The following RASSF8 variants were observed in gnomAD, a reference collection of about 807,000 sequenced individuals.
RASSF8 encodes the protein ras association domain-containing protein 8.
Under a neutral mutation model 48.5 loss-of-function variants are expected in RASSF8, and 22 were observed. The ratio of observed to expected loss-of-function variants is 0.45; its 90% CI spans 0.32 to 0.65. The LOEUF (loss-of-function observed/expected upper bound fraction) is 0.65, where lower values mean the gene tolerates loss of function less well. Ranked by LOEUF, RASSF8 falls within the 30% of genes least tolerant of loss-of-function variation. The probability of loss-of-function intolerance (pLI) is 0.03; values close to 1 mark genes in which losing one functional copy is unlikely to be tolerated. For missense variants in RASSF8, 418 were observed against 489.2 expected (o/e 0.85, Z 1.37); for synonymous variants, 127 against 171.5 (o/e 0.74, Z 2.03).
intron 1 of RASSF8, among the ~76,000 whole-genome samples, chr12:25,990,072 G>A (rs1230908705): frequency 6.6e-6 from 1 of 152,150 alleles, no homozygotes; most frequent in Non-Finnish European, 1.5e-5. Context: ...TATTTGTTGA[G>A]TGCCTATTAT....
At chr12:26,041,580 A>G (rs1943265691) in intron 2 of RASSF8, among the ~76,000 whole-genome samples, 1 of 152,180 alleles carries the variant, frequency 6.6e-6, no homozygotes, top group Non-Finnish European at 1.5e-5. Flanking sequence ...TGATACCTAA[A>G]GAAGCAGAGT....
chr12:26,024,284 A>C lies in RASSF8; in HGVS notation c.-109+29154A>C, dbSNP rs188473447. Among the ~76,000 whole-genome samples, 6 of 152,280 alleles carry C rather than the reference A, an allele frequency of 3.9e-5. No individual in the cohort carries two copies. The East Asian group carries it at 9.6e-4, about 24-fold the overall frequency. On this transcript the variant is annotated intron_variant, in intron 2 of 5. Coordinates refer to ENST00000689635, the MANE Select transcript of RASSF8 (RefSeq NM_001394098.1). ...CCCAAATGCTAGGATTACAGATATGAGCCACCACGCCCAGCCTGGAGTAAC... is the reference window on the plus strand; with the variant it reads ...CCCAAATGCTAGGATTACAGATATGCGCCACCACGCCCAGCCTGGAGTAAC...
chr12:25,969,621 T>A (rs1941437865), intron 1 of RASSF8, among the ~76,000 whole-genome samples: 2 of 151,954 alleles, frequency 1.3e-5, no homozygotes, highest in South Asian at 4.2e-4. Flanking sequence ...AGGAGAAGGG[T>A]CACATCCTGG....
intron 2 of RASSF8, among the ~76,000 whole-genome samples, chr12:26,041,153 A>G (rs1265823727): frequency 1.3e-5 from 2 of 152,022 alleles, no homozygotes; most frequent in South Asian, 2.1e-4. Context: ...CAGCCTCCCA[A>G]AGTGCGGGGA....
intron 2 of RASSF8, among the ~76,000 whole-genome samples, chr12:26,008,104 T>C (rs1036067051): frequency 6.6e-6 from 1 of 152,082 alleles, no homozygotes; most frequent in African/African-American, 2.4e-5. Context: ...AAACCCTGTC[T>C]GTACTAAAAA....
At chr12:26,004,415 C>T (rs1164528773) in intron 2 of RASSF8, among the ~76,000 whole-genome samples, 2 of 152,142 alleles carry the variant, frequency 1.3e-5, no homozygotes, top group Non-Finnish European at 2.9e-5. Context: ...GTTGACCTTG[C>T]ACACAACATG....
intron 2 of RASSF8, among the ~76,000 whole-genome samples, chr12:26,026,642 C>T (rs1311315447): frequency 2.0e-5 from 3 of 152,038 alleles, no homozygotes; most frequent in Non-Finnish European, 2.9e-5. Context: ...CACCATGTTG[C>T]CCAGGCTGGT....
At chr12:25,996,066 C>T (rs1942125721) in intron 2 of RASSF8, among the ~76,000 whole-genome samples, 1 of 152,204 alleles carries the variant, frequency 6.6e-6, no homozygotes, top group South Asian at 2.1e-4. Context: ...AAATCCACAT[C>T]CTCACCAGTT....
chr12:25,998,643 G>T (rs2136972292), intron 2 of RASSF8, among the ~76,000 whole-genome samples: 1 of 152,232 alleles, frequency 6.6e-6, no homozygotes, highest in African/African-American at 2.4e-5. Context: ...CACCGCGCCT[G>T]GCAAGAAAGC....
intron 1 of RASSF8, among the ~76,000 whole-genome samples, chr12:25,961,553 T>G (rs1941234961): frequency 6.6e-6 from 1 of 152,156 alleles, no homozygotes; most frequent in African/African-American, 2.4e-5. Flanking sequence ...CAGCCAGACT[T>G]GGGTTGCACG....
chr12:25,975,964 C>T (rs570686648), intron 1 of RASSF8, among the ~76,000 whole-genome samples: 26 of 152,196 alleles, frequency 1.7e-4, no homozygotes, highest in African/African-American at 5.8e-4. Context: ...TGAGACTAGA[C>T]AGAAATGGGG....
chr12:26,013,889 G>A (rs1215567817), intron 2 of RASSF8, among the ~76,000 whole-genome samples: 1 of 152,182 alleles, frequency 6.6e-6, no homozygotes, highest in East Asian at 1.9e-4. Context: ...ATACTTGGCA[G>A]GTAGGTGAGT....
Position 25,998,435 on chromosome 12 carries a change from C to T in RASSF8, c.-109+3305C>T, listed in dbSNP as rs369433235. Among the ~76,000 whole-genome samples the T allele has an allele frequency of 6.6e-5, 10 of 151,708 alleles. No individual in the cohort carries two copies. In the South Asian group the frequency reaches 1.7e-3, roughly 25 times the overall value. ...CGTGATCTTGGCTCGCCGCAACCTC[C>T]GCCTCCTGGGTTCAAGCGATTTTCC... On this transcript the variant is annotated intron_variant, in intron 2 of 5. Transcript: ENST00000689635.
At chr12:25,986,571 T>C (rs1346906562) in intron 1 of RASSF8, among the ~76,000 whole-genome samples, 1 of 152,168 alleles carries the variant, frequency 6.6e-6, no homozygotes, top group African/African-American at 2.4e-5. Flanking sequence ...TGCAGGCTGC[T>C]CCCAGCTTTC....
intron 2 of RASSF8, among the ~76,000 whole-genome samples, chr12:26,051,276 C>T (rs762609152): frequency 1.3e-5 from 2 of 152,116 alleles, no homozygotes; most frequent in Non-Finnish European, 1.5e-5. Flanking sequence ...TCCACAATTG[C>T]CAAATACTTA....
intron 2 of RASSF8, among the ~76,000 whole-genome samples, chr12:26,054,122 A>G (rs1314490857): frequency 2.0e-5 from 3 of 152,250 alleles, no homozygotes; most frequent in Non-Finnish European, 2.9e-5. Flanking sequence ...AATTAAATCA[A>G]TGTTTATTAT....
chr12:25,969,196 T>C (rs1565597412), intron 1 of RASSF8, among the ~76,000 whole-genome samples: 3 of 152,108 alleles, frequency 2.0e-5, no homozygotes, highest in Admixed American at 2.0e-4. Flanking sequence ...GAGTCTTGAA[T>C]AGAGGAATGA....
intron 1 of RASSF8, among the ~76,000 whole-genome samples, chr12:25,960,759 A>C (rs1200836258): frequency 6.6e-6 from 1 of 152,202 alleles, no homozygotes; most frequent in Non-Finnish European, 1.5e-5. Flanking sequence ...TTATTGATCA[A>C]ATCTTATGTC....
chr12:26,036,629 C>T (rs1234132923), intron 2 of RASSF8, among the ~76,000 whole-genome samples: 7 of 152,058 alleles, frequency 4.6e-5, no homozygotes, highest in South Asian at 2.1e-4. Flanking sequence ...TATGTCTGGT[C>T]GAGCGCAGTG....
Sources: gnomAD v4.1 joint callset for allele counts (sites outside exome capture counted in the v4.1 genomes callset) on GRCh38, gnomAD v4.1.1 for gene constraint, MANE v1.5 for transcripts, NCBI Gene and HGNC (gene_info 2026-07-23, HGNC 2026-07-21) for gene names.